KCNIP4: variants seen among roughly 807,000 people sequenced by gnomAD.
The protein encoded by KCNIP4 is potassium voltage-gated channel interacting protein 4.
KCNIP4 carries 12 observed loss-of-function variants against 34.0 expected under a neutral mutation model. That is an observed-to-expected ratio of 0.35 (90% confidence interval 0.23 to 0.57). The LOEUF is 0.57. KCNIP4 is among the 20% of genes least tolerant of loss of function. KCNIP4 has a pLI of 0.83. For synonymous variants in KCNIP4, 124 were observed against 102.2 expected (o/e 1.21, Z -1.29); for missense variants, 238 against 311.7 (o/e 0.76, Z 1.78).
chr4:21,118,922 CTA>C (rs1226740971), intron 1 of KCNIP4, among the ~76,000 whole-genome samples: 1 of 152,136 alleles, frequency 6.6e-6, no homozygotes, highest in Non-Finnish European at 1.5e-5. Context: ...GCCTCAACCT[CTA>C]AAGAGGAATG....
intron 1 of KCNIP4, among the ~76,000 whole-genome samples, chr4:21,448,078 A>G (rs1404745086): frequency 2.0e-5 from 3 of 152,294 alleles, no homozygotes; most frequent in Non-Finnish European, 2.9e-5. Context: ...ATGAGGCTAT[A>G]ACAAATGCCT....
Position 21,758,182 on chromosome 4 carries a change from G to T in KCNIP4, c.61+190389C>A, listed in dbSNP as rs1291423079. On this transcript the variant is annotated intron_variant, in intron 1 of 8. Transcript: ENST00000382152. The stretch of plus-strand genomic sequence containing the variant: ...CAATTAAAGTTTTGGGGTGCAATTT[G>T]TGTCCTATATACTGTTCTAGGTACT... Among the ~76,000 whole-genome samples the T allele has an allele frequency of 2.6e-5, 4 of 152,300 alleles. No homozygotes were observed. In the East Asian group the frequency reaches 7.7e-4, roughly 29 times the overall value.
chr4:21,923,392 G>A (rs367671112), intron 1 of KCNIP4, among the ~76,000 whole-genome samples: 24 of 152,182 alleles, frequency 1.6e-4, no homozygotes, highest in African/African-American at 5.5e-4. Context: ...GACCAGCCTG[G>A]CCAACAGGGT....
intron 2 of KCNIP4, among the ~76,000 whole-genome samples, chr4:20,853,582 G>C (rs139887761): frequency 5.8e-4 from 88 of 151,764 alleles, no homozygotes; most frequent in African/African-American, 2.0e-3. Flanking sequence ...ACTGGCTTAG[G>C]CAAGGATCTC....
At chr4:20,864,201 TAC>T (rs1049358919) in intron 2 of KCNIP4, among the ~76,000 whole-genome samples, 1 of 150,652 alleles carries the variant, frequency 6.6e-6, no homozygotes, top group Non-Finnish European at 1.5e-5. Flanking sequence ...CATATGTATG[TAC>T]ACACATGCAT....
intron 1 of KCNIP4, among the ~76,000 whole-genome samples, chr4:21,414,825 A>G (rs1724807501): frequency 6.6e-6 from 1 of 152,086 alleles, no homozygotes; most frequent in Non-Finnish European, 1.5e-5. Flanking sequence ...TTTAATTTTT[A>G]TGGGCACATG....
intron 1 of KCNIP4, among the ~76,000 whole-genome samples, chr4:21,127,339 C>G (rs1750706407): frequency 6.6e-6 from 1 of 152,224 alleles, no homozygotes; most frequent in Non-Finnish European, 1.5e-5. Flanking sequence ...TAATACATCA[C>G]TTGCCTTTAA....
At chr4:20,915,337 A>G (rs1001814615) in intron 1 of KCNIP4, among the ~76,000 whole-genome samples, 2 of 152,330 alleles carry the variant, frequency 1.3e-5, no homozygotes, top group Non-Finnish European at 2.9e-5. Flanking sequence ...GTGGCTCATT[A>G]CTTTTTTTGA....
chr4:21,575,535 C>T (rs1306476919), intron 1 of KCNIP4, among the ~76,000 whole-genome samples: 1 of 151,936 alleles, frequency 6.6e-6, no homozygotes, highest in African/African-American at 2.4e-5. Context: ...CCTCTTTTCT[C>T]TTCCTCCTCT....
At chr4:21,579,692 T>C (rs2109068830) in intron 1 of KCNIP4, among the ~76,000 whole-genome samples, 1 of 152,290 alleles carries the variant, frequency 6.6e-6, no homozygotes, top group Non-Finnish European at 1.5e-5. Context: ...CTACTGATAC[T>C]CTCCATGTTC....
At chr4:21,727,739 G>A (rs1358334278) in intron 1 of KCNIP4, among the ~76,000 whole-genome samples, 1 of 152,036 alleles carries the variant, frequency 6.6e-6, no homozygotes, top group Non-Finnish European at 1.5e-5. Flanking sequence ...TGAGACACAA[G>A]AATCACTTGA....
chr4:20,842,377 T>C (rs762372383), intron 3 of KCNIP4, among the ~76,000 whole-genome samples: 26 of 152,018 alleles, frequency 1.7e-4, no homozygotes, highest in Admixed American at 3.9e-4. Context: ...CAGTTCCTTC[T>C]GGCTGGAGCA....
intron 3 of KCNIP4, among the ~76,000 whole-genome samples, chr4:20,799,106 C>A (rs1302639484): frequency 6.6e-6 from 1 of 152,164 alleles, no homozygotes; most frequent in Non-Finnish European, 1.5e-5. Context: ...ATACCTGAGC[C>A]AAGCTGCTAC....
intron 1 of KCNIP4, among the ~76,000 whole-genome samples, chr4:21,541,868 C>T (rs971937673): frequency 6.6e-6 from 1 of 151,990 alleles, no homozygotes; most frequent in Admixed American, 6.6e-5. Flanking sequence ...ATCTTCAACT[C>T]CTGGGCTCAA....
intron 1 of KCNIP4, among the ~76,000 whole-genome samples, chr4:21,234,677 C>T (rs1047584391): frequency 6.1e-5 from 9 of 147,644 alleles, no homozygotes; most frequent in Admixed American, 4.8e-4. Context: ...TTAGTCAGAC[C>T]CTCACTGTCA....
intron 1 of KCNIP4, among the ~76,000 whole-genome samples, chr4:21,284,938 C>T (rs1763020955): frequency 6.6e-6 from 1 of 152,036 alleles, no homozygotes; most frequent in Non-Finnish European, 1.5e-5. Context: ...TGGCCCAAAT[C>T]GCATATATAG....
At position 21,044,039 on chromosome 4, in the gene KCNIP4, C is replaced by T. The variant is rs144640452; in HGVS notation, c.62-161330G>A. Among the ~76,000 whole-genome samples, 111 of 152,154 alleles carry T rather than the reference C, an allele frequency of 7.3e-4. 2 individuals carry two copies. In the East Asian group the frequency reaches 0.02, roughly 28 times the overall value. On this transcript the variant is annotated intron_variant, in intron 1 of 8. Transcript: ENST00000382152. ...TGGAGTAGAAATTCTACTCCAGGGT[C>T]CTGGAGGCTTTGACTTATCAAACAT...
chr4:21,833,629 C>A (rs1361123544), intron 1 of KCNIP4, among the ~76,000 whole-genome samples: 3 of 152,022 alleles, frequency 2.0e-5, no homozygotes, highest in Non-Finnish European at 4.4e-5. Flanking sequence ...GCTTTTGTTG[C>A]CATTGCTTTT....
intron 3 of KCNIP4, among the ~76,000 whole-genome samples, chr4:20,839,366 C>T (rs1265666834): frequency 6.6e-6 from 1 of 151,500 alleles, no homozygotes; most frequent in Non-Finnish European, 1.5e-5. Context: ...AAGCAAATAT[C>T]TACCTATAGA....
Sources: allele counts gnomAD v4.1 joint callset (sites outside exome capture counted in the v4.1 genomes callset), GRCh38; gene constraint gnomAD v4.1.1; transcripts MANE v1.5; gene names NCBI Gene and HGNC (gene_info 2026-07-23, HGNC 2026-07-21).